The following NKAIN2 variants were observed in gnomAD, a reference collection of about 807,000 sequenced individuals.
NKAIN2 encodes the protein sodium/potassium transporting ATPase interacting 2.
Under a neutral mutation model 32.6 loss-of-function variants are expected in NKAIN2, and 14 were observed. The ratio of observed to expected loss-of-function variants is 0.43; its 90% CI spans 0.28 to 0.67. The LOEUF is 0.67. NKAIN2 is among the 30% of genes least tolerant of loss of function. The pLI is 0.17. For missense variants in NKAIN2, 198 were observed against 258.3 expected (o/e 0.77, Z 1.60); for synonymous variants, 80 against 87.2 (o/e 0.92, Z 0.46).
chr6:124,816,429 GGAT>G (rs1268047621), intron 5 of NKAIN2, among the ~76,000 whole-genome samples: 1 of 152,010 alleles, frequency 6.6e-6, no homozygotes, highest in Non-Finnish European at 1.5e-5. Context: ...TATGGACTTT[GGAT>G]GATGATGATG....
At chr6:124,602,421 T>C (rs1782342762) in intron 3 of NKAIN2, among the ~76,000 whole-genome samples, 1 of 151,990 alleles carries the variant, frequency 6.6e-6, no homozygotes, top group Non-Finnish European at 1.5e-5. Flanking sequence ...TAACAGCTAG[T>C]TCTTTTGAAA....
intron 5 of NKAIN2, among the ~76,000 whole-genome samples, chr6:124,816,556 T>G (rs1213144591): frequency 6.6e-6 from 1 of 152,154 alleles, no homozygotes; most frequent in Non-Finnish European, 1.5e-5. Flanking sequence ...TATCTGTACT[T>G]TCTGCTCCAT....
intron 2 of NKAIN2, among the ~76,000 whole-genome samples, chr6:124,322,529 C>A (rs1439835692): frequency 6.6e-6 from 1 of 152,150 alleles, no homozygotes; most frequent in Non-Finnish European, 1.5e-5. Context: ...TATAGTTATA[C>A]CCACCCTCAT....
At chr6:124,734,061 G>GCA (rs61526747) in intron 4 of NKAIN2, among the ~76,000 whole-genome samples, 33,046 of 145,080 alleles carry the variant, frequency 0.23, 4,035 homozygotes, top group Non-Finnish European at 0.31. Context: ...ATGAGGAAAT[G>GCA]CACACACACA....
At chr6:123,820,650 G>A (rs923817137) in intron 1 of NKAIN2, among the ~76,000 whole-genome samples, 2 of 152,120 alleles carry the variant, frequency 1.3e-5, no homozygotes, top group East Asian at 3.9e-4. Context: ...CAGCCATTCT[G>A]TACATCATGA....
chr6:123,985,437 A>C (rs1779093011), intron 1 of NKAIN2, among the ~76,000 whole-genome samples: 1 of 152,178 alleles, frequency 6.6e-6, no homozygotes, highest in African/African-American at 2.4e-5. Context: ...ACAAACAAAC[A>C]AACAAAAATC....
At chr6:124,196,195 T>G (rs528864121) in intron 1 of NKAIN2, among the ~76,000 whole-genome samples, 3 of 152,116 alleles carry the variant, frequency 2.0e-5, no homozygotes, top group Non-Finnish European at 4.4e-5. Context: ...AGACAAAGCA[T>G]TGTCTTGAAA....
chr6:123,812,452 T>C (rs1773515472), intron 1 of NKAIN2, among the ~76,000 whole-genome samples: 1 of 152,224 alleles, frequency 6.6e-6, no homozygotes, highest in African/African-American at 2.4e-5. Flanking sequence ...TTGGCTATTT[T>C]ATATTATATA....
chr6:124,772,449 G>A (rs148538668), intron 4 of NKAIN2, among the ~76,000 whole-genome samples: 65 of 152,282 alleles, frequency 4.3e-4, no homozygotes, highest in African/African-American at 1.4e-3. Context: ...TGAAGATGCC[G>A]AGTGGGCAGC....
At chr6:124,057,753 A>G (rs983755588) in intron 1 of NKAIN2, among the ~76,000 whole-genome samples, 21 of 151,900 alleles carry the variant, frequency 1.4e-4, no homozygotes, top group African/African-American at 4.6e-4. Flanking sequence ...AAAGTCCCCA[A>G]TTTAAAAACA....
intron 1 of NKAIN2, among the ~76,000 whole-genome samples, chr6:123,980,871 T>C (rs1215498914): frequency 6.6e-6 from 1 of 151,316 alleles, no homozygotes; most frequent in Admixed American, 6.6e-5. Flanking sequence ...TTTTTTCACT[T>C]ATCCTTTTTT....
chr6:124,437,834 C>G, intron 3 of NKAIN2: 1 of 389,474 alleles, frequency 2.6e-6, no homozygotes, highest in Non-Finnish European at 4.9e-6. Flanking sequence ...GCATGGGATA[C>G]GGTAGCTGAA....
At chr6:123,874,042 T>A (rs1322091981) in intron 1 of NKAIN2, among the ~76,000 whole-genome samples, 1 of 152,180 alleles carries the variant, frequency 6.6e-6, no homozygotes, top group Non-Finnish European at 1.5e-5. Context: ...TCAAGGAAAT[T>A]CTCCAAGGGA....
chr6:124,216,946 T>C (rs1791510915), intron 1 of NKAIN2, among the ~76,000 whole-genome samples: 1 of 152,146 alleles, frequency 6.6e-6, no homozygotes, highest in Non-Finnish European at 1.5e-5. Flanking sequence ...ACATAACTAT[T>C]ATAAATAACA....
At chr6:123,824,734 A>G (rs2114897722) in intron 1 of NKAIN2, among the ~76,000 whole-genome samples, 1 of 151,978 alleles carries the variant, frequency 6.6e-6, no homozygotes, top group East Asian at 1.9e-4. Context: ...TAAAATTAAA[A>G]AAAAAAAAGA....
chr6:124,140,260 A>G (rs1005380249), intron 1 of NKAIN2, among the ~76,000 whole-genome samples: 2 of 152,242 alleles, frequency 1.3e-5, no homozygotes, highest in East Asian at 1.9e-4. Context: ...ATTAAGAATT[A>G]TGCAAAATAT....
chr6:124,572,220 T>C (rs547920716), intron 3 of NKAIN2, among the ~76,000 whole-genome samples: 4 of 152,206 alleles, frequency 2.6e-5, no homozygotes, highest in African/African-American at 4.8e-5. Flanking sequence ...CTCACTCACA[T>C]TGGGGAGGGC....
intron 3 of NKAIN2, among the ~76,000 whole-genome samples, chr6:124,635,272 T>C (rs1258615075): frequency 6.6e-6 from 1 of 151,882 alleles, no homozygotes; most frequent in African/African-American, 2.4e-5. Context: ...ATAATATCTA[T>C]CATTATGAAA....
intron 1 of NKAIN2, among the ~76,000 whole-genome samples, chr6:124,058,315 G>C (rs1263524127): frequency 6.6e-6 from 1 of 151,326 alleles, no homozygotes; most frequent in Non-Finnish European, 1.5e-5. Flanking sequence ...AGAAAGAAAG[G>C]CTAAAAATAT....
Sources: gnomAD v4.1 joint callset for allele counts (sites outside exome capture counted in the v4.1 genomes callset) on GRCh38, gnomAD v4.1.1 for gene constraint, MANE v1.5 for transcripts, NCBI Gene and HGNC (gene_info 2026-07-23, HGNC 2026-07-21) for gene names.